TRIP12: variants seen among roughly 807,000 people sequenced by gnomAD.
TRIP12 encodes the protein thyroid hormone receptor interactor 12.
A neutral mutation model predicts 244.2 loss-of-function variants in TRIP12; 25 were observed. The ratio of observed to expected loss-of-function variants is 0.10; its 90% CI spans 0.07 to 0.14. The LOEUF is 0.14. TRIP12 is among the 10% of genes least tolerant of loss of function. The pLI is 1.00. For synonymous variants in TRIP12, 905 were observed against 873.1 expected, an observed-to-expected ratio of 1.04 and a Z score of -0.64; for missense variants, 1,677 against 2,486.4, an observed-to-expected ratio of 0.67 and a Z score of 6.92.
chr2:229,821,098 A>G (rs916641873), intron 8 of TRIP12, among the ~76,000 whole-genome samples: 1 of 152,180 alleles, frequency 6.6e-6, no homozygotes, highest in Non-Finnish European at 1.5e-5. Context: ...GTAAAGACCT[A>G]ATTAAATTAA....
intron 23 of TRIP12, among the ~76,000 whole-genome samples, chr2:229,798,356 T>A (rs982289063): frequency 6.6e-6 from 1 of 152,182 alleles, no homozygotes; most frequent in African/African-American, 2.4e-5. Flanking sequence ...AGAGCATGTT[T>A]ATTTTCTCAA....
In TRIP12 at chr2:229,796,783, C is replaced by A; in HGVS notation, c.3625-1G>T. The stretch of plus-strand genomic sequence containing the variant: ...CAAGGCACTCAGCTCCACCATCCAC[C>A]TGAAAGAGTTAGGAAAAGTATTTCT... On this transcript the variant is annotated splice_acceptor_variant, in intron 24 of 41. Coordinates refer to ENST00000675903, the MANE Select transcript of TRIP12 (RefSeq NM_001348323.3). LOFTEE classifies it high-confidence loss of function. 6.4e-7 allele frequency: 1 copy of A among 1,559,500 alleles called. No homozygotes were observed. The highest frequency in any genetic ancestry group is 8.6e-7 in the Non-Finnish European group (1 of 1,159,138).
chr2:229,903,412 T>C (rs1305680736), intron 1 of TRIP12, among the ~76,000 whole-genome samples: 2 of 152,100 alleles, frequency 1.3e-5, no homozygotes, highest in Non-Finnish European at 2.9e-5. Context: ...ATGGATAGGA[T>C]GACCAAGTAA....
chr2:229,876,885 T>C (rs1243145418), intron 2 of TRIP12, among the ~76,000 whole-genome samples: 1 of 151,998 alleles, frequency 6.6e-6, no homozygotes, highest in African/African-American at 2.4e-5. Context: ...TGACACATGA[T>C]GTGTATTGCT....
intron 1 of TRIP12, among the ~76,000 whole-genome samples, chr2:229,913,958 G>C (rs1231880045): frequency 2.0e-5 from 3 of 152,130 alleles, no homozygotes; most frequent in Admixed American, 6.5e-5. Flanking sequence ...AAAGTTAAGT[G>C]TAAGTATATA....
intron 2 of TRIP12, among the ~76,000 whole-genome samples, chr2:229,864,215 G>A (rs1402736645): frequency 6.6e-6 from 1 of 152,110 alleles, no homozygotes; most frequent in Non-Finnish European, 1.5e-5. Context: ...GATGGGCCCA[G>A]AGCACACAAA....
intron 1 of TRIP12, among the ~76,000 whole-genome samples, chr2:229,896,981 C>T (rs949963728): frequency 6.6e-6 from 1 of 152,142 alleles, no homozygotes; most frequent in African/African-American, 2.4e-5. Flanking sequence ...TGGGTAATAA[C>T]ATATCAATGT....
chr2:229,851,046 G>A (rs904292135), intron 4 of TRIP12, among the ~76,000 whole-genome samples: 1 of 152,144 alleles, frequency 6.6e-6, no homozygotes, highest in African/African-American at 2.4e-5. Flanking sequence ...GACGAGCGCC[G>A]CCCCCTGCTC....
At chr2:229,891,365 C>A (rs1255056908) in intron 1 of TRIP12, among the ~76,000 whole-genome samples, 1 of 152,128 alleles carries the variant, frequency 6.6e-6, no homozygotes, top group East Asian at 1.9e-4. Context: ...GTGAAGTCTG[C>A]AGTAAGCTGA....
intron 30 of TRIP12, among the ~76,000 whole-genome samples, chr2:229,790,520 A>C (rs1274906038): frequency 2.7e-5 from 2 of 73,882 alleles, no homozygotes; most frequent in African/African-American, 1.2e-4. Context: ...TGGTGGCGGC[A>C]GGGGGCAGGG....
chr2:229,768,972 G>C, intron 40 of TRIP12, among the ~76,000 whole-genome samples: 1 of 152,076 alleles, frequency 6.6e-6, no homozygotes, highest in East Asian at 1.9e-4. Context: ...GTAATAATGG[G>C]GAACAAGATT....
chr2:229,905,087 C>T (rs1445821817), intron 1 of TRIP12, among the ~76,000 whole-genome samples: 1 of 152,106 alleles, frequency 6.6e-6, no homozygotes, highest in Admixed American at 6.5e-5. Flanking sequence ...CCTGCCTGAC[C>T]AACATGGAGA....
intron 4 of TRIP12, among the ~76,000 whole-genome samples, chr2:229,857,891 CACTT>C (rs2059870375): frequency 1.3e-5 from 2 of 152,296 alleles, no homozygotes; most frequent in African/African-American, 4.8e-5. Context: ...TATTCTTACT[CACTT>C]AGGACACAGA....
intron 8 of TRIP12, among the ~76,000 whole-genome samples, chr2:229,828,794 C>T (rs773536635): frequency 6.6e-6 from 1 of 151,914 alleles, no homozygotes; most frequent in Non-Finnish European, 1.5e-5. Context: ...ATAAAAAGTA[C>T]ACATGAAAAC....
At chr2:229,807,618 T>C in intron 17 of TRIP12, 90 bp downstream of exon 17, 1 of 1,483,180 alleles carries the variant, frequency 6.7e-7, no homozygotes, top group Non-Finnish European at 9.4e-7. Flanking sequence ...ATCAAGCACA[T>C]TCAAATCCAC....
rs142683795 is a variant in TRIP12 at position 229,904,875 on chromosome 2, T to C, written c.-50+17005A>G. On this transcript the variant is annotated intron_variant, in intron 1 of 41. Transcript: ENST00000675903. ...ATACTGGGTCATTAGTTGTGTCAAATGTACCATACTAATGTTAAAATTTTC... is the reference window on the plus strand; with the variant it reads ...ATACTGGGTCATTAGTTGTGTCAAACGTACCATACTAATGTTAAAATTTTC... Among the ~76,000 whole-genome samples, 902 of 152,324 alleles carry C rather than the reference T, an allele frequency of 5.9e-3. 7 individuals carry two copies. Among genetic ancestry groups the C allele is most frequent in the African/African-American group, 0.02 (847 of 41,576 alleles).
At chr2:229,851,488 T>C (rs2058690845) in intron 4 of TRIP12, among the ~76,000 whole-genome samples, 1 of 152,064 alleles carries the variant, frequency 6.6e-6, no homozygotes, top group South Asian at 2.1e-4. Flanking sequence ...CAGCAGGATG[T>C]GGGTGGGGCC....
At chr2:229,803,734 A>T (rs1190633463) in intron 19 of TRIP12, 45 bp from the exon 20 acceptor site, 2 of 1,440,668 alleles carry the variant, frequency 1.4e-6, no homozygotes, top group East Asian at 2.3e-5. Context: ...CCTGAATTTG[A>T]TGATTATTTT....
chr2:229,916,802 G>A (rs1307845022), intron 1 of TRIP12, among the ~76,000 whole-genome samples: 1 of 150,322 alleles, frequency 6.7e-6, no homozygotes, highest in East Asian at 2.0e-4. Flanking sequence ...AGTAAGTTAG[G>A]ATATTAAAGA....
Sources: gnomAD v4.1 joint callset for allele counts (sites outside exome capture counted in the v4.1 genomes callset) on GRCh38, gnomAD v4.1.1 for gene constraint, MANE v1.5 for transcripts, NCBI Gene and HGNC (gene_info 2026-07-23, HGNC 2026-07-21) for gene names.